The following NXPH1 variants were observed in gnomAD, a reference collection of about 807,000 sequenced individuals.
NXPH1 encodes the protein neurexophilin 1.
In NXPH1, 5 loss-of-function variants were observed where a neutral mutation model predicts 23.7. That is an observed-to-expected ratio of 0.21 (90% confidence interval 0.11 to 0.44). The LOEUF (loss-of-function observed/expected upper bound fraction) is 0.44. Ranked by LOEUF, NXPH1 falls within the 20% of genes least tolerant of loss-of-function variation. The probability of loss-of-function intolerance (pLI) is 0.99; values close to 1 mark genes in which losing one functional copy is unlikely to be tolerated. For missense variants in NXPH1, 324 were observed against 321.6 expected, an observed-to-expected ratio of 1.01 and a Z score of -0.06; for synonymous variants, 144 against 122.2, an observed-to-expected ratio of 1.18 and a Z score of -1.18.
intron 2 of NXPH1, among the ~76,000 whole-genome samples, chr7:8,635,588 A>C (rs1418809269): frequency 6.6e-6 from 1 of 152,226 alleles, no homozygotes; most frequent in Non-Finnish European, 1.5e-5. Context: ...GATATGTTAG[A>C]TAGAGAACCA....
At chr7:8,483,107 T>C (rs1268763691) in intron 2 of NXPH1, among the ~76,000 whole-genome samples, 1 of 152,172 alleles carries the variant, frequency 6.6e-6, no homozygotes, top group Non-Finnish European at 1.5e-5. Flanking sequence ...TTTCCTAGAC[T>C]TACAGTAACA....
At chr7:8,740,286 C>A (rs986519839) in intron 2 of NXPH1, among the ~76,000 whole-genome samples, 2 of 152,158 alleles carry the variant, frequency 1.3e-5, no homozygotes, top group Non-Finnish European at 2.9e-5. Context: ...GAAATAAGTG[C>A]ATATCCTCTT....
At chr7:8,569,890 A>T (rs914013321) in intron 2 of NXPH1, among the ~76,000 whole-genome samples, 5 of 151,932 alleles carry the variant, frequency 3.3e-5, no homozygotes, top group African/African-American at 1.2e-4. Flanking sequence ...GTCTATGGGC[A>T]TTCACCTCTG....
At chr7:8,544,561 T>G (rs193197176) in intron 2 of NXPH1, among the ~76,000 whole-genome samples, 136 of 151,728 alleles carry the variant, frequency 9.0e-4, no homozygotes, top group African/African-American at 3.1e-3. Flanking sequence ...AACAAAAGAA[T>G]AGTGAAGTTA....
At chr7:8,664,147 C>A (rs139677648) in intron 2 of NXPH1, among the ~76,000 whole-genome samples, 214 of 152,150 alleles carry the variant, frequency 1.4e-3, no homozygotes, top group African/African-American at 5.0e-3. Flanking sequence ...TTCTCTTTTT[C>A]TCCCATCTTC....
intron 2 of NXPH1, among the ~76,000 whole-genome samples, chr7:8,476,667 T>C (rs927513661): frequency 2.6e-5 from 4 of 151,500 alleles, no homozygotes; most frequent in African/African-American, 9.7e-5. Context: ...CTACCTTAGC[T>C]ATGAAGTATA....
At chr7:8,661,686 T>A (rs1470066397) in intron 2 of NXPH1, among the ~76,000 whole-genome samples, 1 of 152,136 alleles carries the variant, frequency 6.6e-6, no homozygotes, top group Non-Finnish European at 1.5e-5. Context: ...ATGACTTTGG[T>A]TCAATTATAT....
intron 2 of NXPH1, among the ~76,000 whole-genome samples, chr7:8,604,359 T>G (rs777561158): frequency 6.6e-6 from 1 of 152,204 alleles, no homozygotes; most frequent in Non-Finnish European, 1.5e-5. Context: ...CAACACTGAA[T>G]GTACTCTTTG....
Position 8,612,058 on chromosome 7 carries a change from T to C in NXPH1, c.55-138950T>C, listed in dbSNP as rs540235416. On this transcript the variant is annotated intron_variant, in intron 2 of 2. Transcript: ENST00000405863. ...ATAAAGAATATCAAGAACTGACTCTTTGGGAATTCAAGTTGTTATAAAGCT... is the reference window on the plus strand; with the variant it reads ...ATAAAGAATATCAAGAACTGACTCTCTGGGAATTCAAGTTGTTATAAAGCT... Among the ~76,000 whole-genome samples, 21 of 152,196 alleles carry C rather than the reference T, an allele frequency of 1.4e-4. 1 individual carries two copies. In the South Asian group the frequency reaches 4.3e-3, roughly 32 times the overall value.
At chr7:8,505,220 A>C (rs1217370968) in intron 2 of NXPH1, among the ~76,000 whole-genome samples, 2 of 151,880 alleles carry the variant, frequency 1.3e-5, no homozygotes, top group African/African-American at 4.8e-5. Context: ...ACGTACCCTT[A>C]ACTCTCTGTT....
intron 2 of NXPH1, among the ~76,000 whole-genome samples, chr7:8,748,976 T>G (rs1780519189): frequency 6.6e-6 from 1 of 152,186 alleles, no homozygotes; most frequent in South Asian, 2.1e-4. Flanking sequence ...AAAGAAGGTT[T>G]ACAAGATCTA....
chr7:8,730,687 G>A (rs1178181129), intron 2 of NXPH1, among the ~76,000 whole-genome samples: 1 of 152,034 alleles, frequency 6.6e-6, no homozygotes, highest in Non-Finnish European at 1.5e-5. Flanking sequence ...CTTCTGGCTT[G>A]CGGAGTTTCT....
intron 2 of NXPH1, among the ~76,000 whole-genome samples, chr7:8,738,722 C>T (rs1780305859): frequency 6.6e-6 from 1 of 152,168 alleles, no homozygotes; most frequent in Non-Finnish European, 1.5e-5. Flanking sequence ...GCTGTGCCCA[C>T]AGCTACCACT....
intron 2 of NXPH1, among the ~76,000 whole-genome samples, chr7:8,674,681 C>T (rs1820921010): frequency 6.6e-6 from 1 of 152,086 alleles, no homozygotes; most frequent in Non-Finnish European, 1.5e-5. Context: ...AAAATGTGAC[C>T]ATAGTCACAG....
At chr7:8,722,868 T>G (rs945912691) in intron 2 of NXPH1, among the ~76,000 whole-genome samples, 1 of 152,160 alleles carries the variant, frequency 6.6e-6, no homozygotes, top group Non-Finnish European at 1.5e-5. Context: ...ATAAAATATG[T>G]TCAATGGCCC....
intron 2 of NXPH1, among the ~76,000 whole-genome samples, chr7:8,704,574 A>T (rs1307770124): frequency 6.6e-6 from 1 of 152,162 alleles, no homozygotes; most frequent in Non-Finnish European, 1.5e-5. Flanking sequence ...GGGGCAAGGT[A>T]ATTCCAAGTG....
At chr7:8,592,820 AAT>A (rs1819127782) in intron 2 of NXPH1, among the ~76,000 whole-genome samples, 2 of 145,224 alleles carry the variant, frequency 1.4e-5, no homozygotes, top group Admixed American at 1.4e-4. Context: ...CATATTGTGA[AAT>A]AGTCTTTTTT....
intron 2 of NXPH1, among the ~76,000 whole-genome samples, chr7:8,550,466 T>C (rs184549283): frequency 6.6e-5 from 10 of 151,692 alleles, no homozygotes; most frequent in African/African-American, 2.4e-4. Flanking sequence ...CTGAAGTCTT[T>C]TTTTCAGAGG....
intron 2 of NXPH1, among the ~76,000 whole-genome samples, chr7:8,638,663 AATT>A (rs1281783775): frequency 7.2e-5 from 11 of 152,240 alleles, no homozygotes; most frequent in African/African-American, 2.6e-4. Flanking sequence ...GGAATTCAAA[AATT>A]CTTTTCTTTG....
Sources: gnomAD v4.1 joint callset for allele counts (sites outside exome capture counted in the v4.1 genomes callset) on GRCh38, gnomAD v4.1.1 for gene constraint, MANE v1.5 for transcripts, NCBI Gene and HGNC (gene_info 2026-07-23, HGNC 2026-07-21) for gene names.